Variants in TRMT11 observed in about 807,000 individuals in gnomAD.
TRMT11 encodes the protein tRNA methyltransferase 11.
TRMT11 carries 53 observed loss-of-function variants against 62.8 expected under a neutral mutation model. The ratio of observed to expected loss-of-function variants is 0.84; its 90% CI spans 0.68 to 1.06. The LOEUF (loss-of-function observed/expected upper bound fraction) is 1.06. TRMT11 is among the 50% of genes least tolerant of loss of function. The pLI is 0.00. For synonymous variants in TRMT11, 188 were observed against 190.3 expected, an observed-to-expected ratio of 0.99 and a Z score of 0.10; for missense variants, 556 against 553.4, an observed-to-expected ratio of 1.00 and a Z score of -0.05.
intron 1 of TRMT11, among the ~76,000 whole-genome samples, chr6:126,190,462 C>T (rs1055086965): frequency 5.9e-5 from 9 of 152,178 alleles, no homozygotes; most frequent in African/African-American, 2.2e-4. Context: ...TCACCTTCCA[C>T]CATGACTGTA....
downstream of TRMT11, among the ~76,000 whole-genome samples, chr6:126,041,717 T>A (rs1274083013): frequency 6.6e-6 from 1 of 152,144 alleles, no homozygotes; most frequent in Admixed American, 6.6e-5. Context: ...AATAAACTCA[T>A]TAATGCATTG....
intron 12 of TRMT11, 130 bp from the exon 13 acceptor site, chr6:126,038,575 G>C: frequency 1.5e-6 from 1 of 656,746 alleles, no homozygotes; most frequent in South Asian, 2.8e-5. Context: ...TCTAATTCAA[G>C]TAGTGAAGGA....
At position 125,999,585 on chromosome 6, in the gene TRMT11, T is replaced by C; in HGVS notation, c.651T>C (p.Asp217=). The change falls in exon 7 of 13, where the codon GAT becomes GAC. Residue 217 remains aspartate, a synonymous_variant. Transcript: ENST00000334379. ...MANHGKVKEN[D]IVFDPFVGTG... ...ACCATGGAAAAGTGAAAGAAAATGA[T>C]ATTGTCTTTGATCCATTTGTTGGAA... The C allele has an allele frequency of 6.2e-7, 1 of 1,611,758 alleles. No homozygotes were observed. The highest frequency in any genetic ancestry group is 1.3e-5 in the African/African-American group (1 of 74,960).
chr6:126,183,780 A>G (rs554537875), intron 1 of TRMT11, among the ~76,000 whole-genome samples: 1 of 146,394 alleles, frequency 6.8e-6, no homozygotes, highest in East Asian at 2.2e-4. Flanking sequence ...ATTAACTGTT[A>G]GCACTTATAG....
chr6:126,095,782 A>G (rs1777332683), intron 17 of TRMT11, among the ~76,000 whole-genome samples: 2 of 152,216 alleles, frequency 1.3e-5, no homozygotes, highest in African/African-American at 2.4e-5. Flanking sequence ...AGACAAAGTA[A>G]TCAGAACATT....
At chr6:126,043,782 AT>A (rs1461187231), downstream of TRMT11, among the ~76,000 whole-genome samples, 17 of 150,064 alleles carry the variant, frequency 1.1e-4, no homozygotes, top group Admixed American at 8.6e-4. Flanking sequence ...TGTGGTTTTG[AT>A]TTGCATTTCT....
chr6:126,119,670 C>T (rs1432028521), intron 21 of TRMT11, among the ~76,000 whole-genome samples: 1 of 151,826 alleles, frequency 6.6e-6, no homozygotes, highest in African/African-American at 2.4e-5. Context: ...TTGGAACGAT[C>T]CTATGGAACA....
the TRMT11 span, among the ~76,000 whole-genome samples, chr6:126,255,268 T>C: frequency 1.3e-5 from 2 of 152,218 alleles, no homozygotes; most frequent in Non-Finnish European, 2.9e-5. Flanking sequence ...TAGCTAGAAT[T>C]GAAAGCAAAT....
Position 126,167,054 on chromosome 6 carries a change from T to C in TRMT11, c.*1824-7771T>C, listed in dbSNP as rs184076788. On this transcript the variant is annotated intron_variant and NMD_transcript_variant, in intron 21 of 22. Coordinates refer to the TRMT11 transcript ENST00000648977. ...GTGCATCTTAGCCTGTCAGGCTTCA[T>C]TGGGGGTGGGATCCACTGAGCAAGA... 3.6e-3 allele frequency among the ~76,000 whole-genome samples: 553 copies of C among 152,250 alleles called. 10 individuals are homozygous for C. The highest frequency in any genetic ancestry group is 2.4e-3 in the Admixed American group (36 of 15,302).
At chr6:126,033,110 TAAAAG>T (rs1774516417) in intron 12 of TRMT11, among the ~76,000 whole-genome samples, 2 of 152,100 alleles carry the variant, frequency 1.3e-5, no homozygotes, top group South Asian at 2.1e-4. Flanking sequence ...AAGGAGGTGA[TAAAAG>T]AGAATAGCAA....
At chr6:126,038,019 C>G (rs1775498253) in intron 12 of TRMT11, among the ~76,000 whole-genome samples, 1 of 151,996 alleles carries the variant, frequency 6.6e-6, no homozygotes, top group Non-Finnish European at 1.5e-5. Flanking sequence ...GCCAGTGTTT[C>G]AGTGTTTCCT....
At chr6:126,156,380 C>T (rs1778122107) in intron 21 of TRMT11, among the ~76,000 whole-genome samples, 1 of 152,164 alleles carries the variant, frequency 6.6e-6, no homozygotes. Flanking sequence ...GGGGCAACAC[C>T]CATATAGCAG....
chr6:126,148,387 G>A (rs1777999614), intron 21 of TRMT11, among the ~76,000 whole-genome samples: 1 of 152,162 alleles, frequency 6.6e-6, no homozygotes, highest in Non-Finnish European at 1.5e-5. Flanking sequence ...TTAATTACAT[G>A]CGTTCTTTCT....
the TRMT11 span, among the ~76,000 whole-genome samples, chr6:126,239,914 T>C: frequency 6.6e-6 from 1 of 152,210 alleles, no homozygotes; most frequent in Non-Finnish European, 1.5e-5. Context: ...TTTCTTTTTA[T>C]GCTTTTTTTT....
intron 21 of TRMT11, among the ~76,000 whole-genome samples, chr6:126,146,296 C>T (rs1271142550): frequency 2.0e-5 from 3 of 152,162 alleles, no homozygotes; most frequent in Non-Finnish European, 4.4e-5. Context: ...TTGCCTAGCT[C>T]TAATATGGAC....
At chr6:126,001,832 A>G (rs766158915) in intron 7 of TRMT11, among the ~76,000 whole-genome samples, 1 of 151,954 alleles carries the variant, frequency 6.6e-6, no homozygotes. Flanking sequence ...TCATTATTCT[A>G]CTGTAAGCAA....
intron 21 of TRMT11, among the ~76,000 whole-genome samples, chr6:126,151,901 T>TTTCC (rs1562334902): frequency 0.022 from 1,374 of 61,610 alleles, 173 homozygotes; most frequent in African/African-American, 0.1. Flanking sequence ...TTTTTCTTTC[T>TTTCC]TTTCTCTTTC....
intron 1 of TRMT11, among the ~76,000 whole-genome samples, chr6:126,187,225 C>CA (rs1288889517): frequency 1.3e-5 from 2 of 151,546 alleles, no homozygotes; most frequent in East Asian, 1.9e-4. Flanking sequence ...ATGGAACCCA[C>CA]AAAAAAACTC....
intron 17 of TRMT11, among the ~76,000 whole-genome samples, chr6:126,101,371 T>G (rs1215157767): frequency 6.6e-6 from 1 of 152,254 alleles, no homozygotes; most frequent in African/African-American, 2.4e-5. Flanking sequence ...AGTAATACTA[T>G]TCTATATTTT....
Sources: allele counts gnomAD v4.1 joint callset (sites outside exome capture counted in the v4.1 genomes callset), GRCh38; gene constraint gnomAD v4.1.1; transcripts MANE v1.5; gene names NCBI Gene and HGNC (gene_info 2026-07-23, HGNC 2026-07-21).